Variants in MTIF2 observed in about 807,000 individuals in gnomAD.
MTIF2 encodes translation initiation factor IF-2, mitochondrial.
MTIF2 carries 71 observed loss-of-function variants against 83.5 expected under a neutral mutation model. The ratio of observed to expected loss-of-function variants is 0.85; its 90% CI spans 0.70 to 1.04. The LOEUF (loss-of-function observed/expected upper bound fraction) is 1.04. MTIF2 is among the 50% of genes least tolerant of loss of function. MTIF2 has a pLI of 0.00. For missense variants in MTIF2, 957 were observed against 846.5 expected (o/e 1.13, Z -1.62); for synonymous variants, 319 against 287.1 (o/e 1.11, Z -1.12).
chr2:55,244,281 G>T, intron 10 of MTIF2, 48 bp from the exon 11 acceptor site: 1 of 1,321,932 alleles, frequency 7.6e-7, no homozygotes, highest in Non-Finnish European at 1.1e-6. Flanking sequence ...TGTACTTTAA[G>T]TAGAGCAAAG....
chr2:55,268,251 A>C (rs2104499132), intron 2 of MTIF2, among the ~76,000 whole-genome samples: 2 of 150,996 alleles, frequency 1.3e-5, no homozygotes, highest in South Asian at 2.1e-4. Flanking sequence ...ACTCTGTCTA[A>C]AGAAAAAAAA....
chr2:55,239,688 G>C (rs954362843), intron 14 of MTIF2, among the ~76,000 whole-genome samples: 1 of 152,130 alleles, frequency 6.6e-6, no homozygotes, highest in Non-Finnish European at 1.5e-5. Flanking sequence ...AAAGTCAACA[G>C]CTCTTTCCAT....
chr2:55,237,158 T>TGAAACCCC (rs1337762035), intron 15 of MTIF2, 130 bp downstream of exon 15: 2 of 1,087,636 alleles, frequency 1.8e-6, no homozygotes, highest in African/African-American at 3.2e-5. Flanking sequence ...ATTTAGGGGT[T>TGAAACCCC]TCAATAGCAA....
chr2:55,241,743 T>C (rs1336822547), intron 13 of MTIF2, among the ~76,000 whole-genome samples: 1 of 151,702 alleles, frequency 6.6e-6, no homozygotes, highest in Non-Finnish European at 1.5e-5. Context: ...CTCGGGAAGC[T>C]GGGGCAGGAG....
intron 5 of MTIF2, among the ~76,000 whole-genome samples, chr2:55,257,618 A>G (rs1452026531): frequency 6.6e-6 from 1 of 152,216 alleles, no homozygotes; most frequent in Non-Finnish European, 1.5e-5. Flanking sequence ...GTATTCTCCA[A>G]TTTCCATGGT....
intron 5 of MTIF2, among the ~76,000 whole-genome samples, chr2:55,256,029 A>C (rs1677499988): frequency 6.6e-6 from 1 of 152,032 alleles, no homozygotes; most frequent in African/African-American, 2.4e-5. Flanking sequence ...AGTGCACGCC[A>C]CCATCCCTGG....
At chr2:55,240,221 T>A in intron 13 of MTIF2, 46 bp from the exon 14 acceptor site, 1 of 1,448,630 alleles carries the variant, frequency 6.9e-7, no homozygotes, top group Non-Finnish European at 9.5e-7. Flanking sequence ...ACGATTACAT[T>A]ATAATCATTT....
At chr2:55,267,505 C>G in intron 3 of MTIF2, 64 bp downstream of exon 3, 1 of 160,754 alleles carries the variant, frequency 6.2e-6, no homozygotes. Flanking sequence ...ATAACAGAAA[C>G]AAGTACAGTA....
In MTIF2 at chr2:55,263,761, C is replaced by A. The variant is rs201955690; in HGVS notation, c.98G>T (p.Trp33Leu). ...GTAAGCAGATGAAAACCCATGCCTC[C>A]ACTGTCTTAATGCTCTTCTTTGACA... Reference protein sequence around the residue: ...SLCQRRALRQWRHGFSSAYPV... With the variant: ...SLCQRRALRQLRHGFSSAYPV... Residue 33 changes from tryptophan (W) to leucine (L), a missense_variant, in exon 4 of 16, where the codon TGG becomes TTG. Coordinates refer to ENST00000263629, the MANE Select transcript of MTIF2 (RefSeq NM_002453.3). 9.3e-6 allele frequency: 15 copies of A among 1,614,168 alleles called. No homozygotes were observed. In the East Asian group the frequency reaches 3.3e-4, roughly 36 times the overall value.
At chr2:55,247,154 A>G (rs1285937821) in intron 9 of MTIF2, among the ~76,000 whole-genome samples, 3 of 152,222 alleles carry the variant, frequency 2.0e-5, no homozygotes, top group African/African-American at 7.2e-5. Flanking sequence ...CTAGGGCTCC[A>G]AGATCACACA....
In MTIF2 at chr2:55,249,362, C is replaced by G. The variant is rs114895901; in HGVS notation, c.981+33G>C. The G allele has an allele frequency of 2.8e-3, 4,558 of 1,609,924 alleles. 126 individuals carry two copies. The African/African-American group carries it at 0.054, about 19-fold the overall frequency. ...TGTGCATTATGTACAGCATTCCCAT[C>G]CAGGCATATTTATATGAGGTCCCCG... On this transcript the variant is annotated intron_variant, in intron 9 of 15. Transcript: ENST00000263629.
chr2:55,249,424 C>T lies in MTIF2; in HGVS notation c.952G>A (p.Val318Ile). ...DVVCEDYGGD[V>I]QAVPVSALTG... ...AGTGCGGAGACAGGCACTGCTTGAA[C>T]ATCACCTCCATAATCTTCACATACC... The change falls in exon 9 of 16, where the codon GTT (valine) becomes ATT (isoleucine). Residue 318 changes from valine to isoleucine, a missense_variant. Coordinates refer to ENST00000263629, the MANE Select transcript of MTIF2 (RefSeq NM_002453.3). 6.2e-7 allele frequency: 1 copy of T among 1,614,204 alleles called. No homozygotes were observed. The highest frequency in any genetic ancestry group is 1.7e-5 in the Admixed American group (1 of 60,020).
chr2:55,265,897 C>T (rs1007517158), intron 3 of MTIF2, among the ~76,000 whole-genome samples: 1 of 152,034 alleles, frequency 6.6e-6, no homozygotes. Flanking sequence ...ATATGTACAC[C>T]TTTTTCCTTG....
At chr2:55,254,347 A>G in intron 6 of MTIF2, 146 bp from the exon 7 acceptor site, 1 of 615,562 alleles carries the variant, frequency 1.6e-6, no homozygotes, top group Non-Finnish European at 2.3e-6. Context: ...CCCCTCCTAT[A>G]CATATGACAG....
intron 5 of MTIF2, 76 bp downstream of exon 5, chr2:55,262,240 C>A: frequency 7.3e-6 from 7 of 962,610 alleles, no homozygotes; most frequent in Middle Eastern, 4.2e-4. Flanking sequence ...TCTTTCAATG[C>A]CTTAATCTCG....
intron 7 of MTIF2, among the ~76,000 whole-genome samples, chr2:55,253,031 T>A (rs1677222462): frequency 6.6e-6 from 1 of 152,194 alleles, no homozygotes; most frequent in South Asian, 2.1e-4. Context: ...GGCAATTTAG[T>A]AGGCAGTAGC....
In MTIF2 at chr2:55,236,666, A is replaced by T. The variant is rs753686338; in HGVS notation, c.2166T>A (p.Ser722=). The T allele has an allele frequency of 6.3e-7, 1 of 1,590,502 alleles. No individual in the cohort carries two copies. The highest frequency in any genetic ancestry group is 1.9e-5 in the Admixed American group (1 of 52,582). ...TGTAATTTTAAAATCCTGGATCCCA[A>T]GAAGTCTTGGCTTGAATTTGCTTTT... ...YEEKQIQAKT[S]WDPGF is the part of the protein sequence containing the mutation. The change falls in exon 16 of 16, where the codon TCT becomes TCA. Residue 722 remains serine (S), a synonymous_variant. Coordinates refer to ENST00000263629, the MANE Select transcript of MTIF2 (RefSeq NM_002453.3).
chr2:55,261,370 C>T (rs765838624), intron 5 of MTIF2, among the ~76,000 whole-genome samples: 1 of 151,854 alleles, frequency 6.6e-6, no homozygotes, highest in Non-Finnish European at 1.5e-5. Flanking sequence ...CTCTGGGAGG[C>T]CGAGGCAGGC....
intron 13 of MTIF2, 94 bp downstream of exon 13, chr2:55,242,846 G>T: frequency 7.8e-7 from 1 of 1,289,464 alleles, no homozygotes; most frequent in Non-Finnish European, 1.1e-6. Flanking sequence ...AGCAGTAAAT[G>T]TCAGGTGTGA....
Sources: allele counts gnomAD v4.1 joint callset (sites outside exome capture counted in the v4.1 genomes callset), GRCh38; gene constraint gnomAD v4.1.1; transcripts MANE v1.5; gene names NCBI Gene and HGNC (gene_info 2026-07-23, HGNC 2026-07-21).